The following SSBP2 variants were observed in gnomAD, a reference collection of about 807,000 sequenced individuals.
SSBP2 encodes the protein single-stranded DNA-binding protein 2.
A neutral mutation model predicts 61.8 loss-of-function variants in SSBP2; 17 were observed. The observed-to-expected ratio is 0.28, with a 90% CI of 0.19 to 0.41. SSBP2 has a LOEUF of 0.41. Ranked by LOEUF, SSBP2 falls within the 10% of genes least tolerant of loss-of-function variation. The probability of loss-of-function intolerance (pLI) is 1.00; values close to 1 mark genes in which losing one functional copy is unlikely to be tolerated. For synonymous variants in SSBP2, 139 were observed against 141.3 expected (o/e 0.98, Z 0.12); for missense variants, 310 against 458.7 (o/e 0.68, Z 2.96).
chr5:81,546,168 G>A (rs1771716973), intron 4 of SSBP2, among the ~76,000 whole-genome samples: 1 of 152,142 alleles, frequency 6.6e-6, no homozygotes, highest in South Asian at 2.1e-4. Context: ...CATTATAATA[G>A]CAATGAATAG....
intron 3 of SSBP2, among the ~76,000 whole-genome samples, chr5:81,623,331 C>CTTTTTTTTT (rs35687529): frequency 1.8e-5 from 2 of 110,590 alleles, no homozygotes; most frequent in Non-Finnish European, 1.8e-5. Context: ...CATTGTAGTA[C>CTTTTTTTTT]TTTTTTTTTT....
chr5:81,469,996 T>A (rs1267492621), intron 8 of SSBP2, among the ~76,000 whole-genome samples: 1 of 151,904 alleles, frequency 6.6e-6, no homozygotes, highest in Non-Finnish European at 1.5e-5. Context: ...TTCTAGAAAG[T>A]TCTTCCCTGT....
intron 1 of SSBP2, among the ~76,000 whole-genome samples, chr5:81,743,493 T>G (rs1317378190): frequency 6.6e-6 from 1 of 152,182 alleles, no homozygotes; most frequent in East Asian, 1.9e-4. Context: ...TATTTGCTTA[T>G]TATTATATAT....
intron 5 of SSBP2, among the ~76,000 whole-genome samples, chr5:81,503,830 T>C (rs1479456920): frequency 6.6e-6 from 1 of 152,198 alleles, no homozygotes; most frequent in Non-Finnish European, 1.5e-5. Context: ...TCATGTCTTT[T>C]GCAGGAACAT....
intron 14 of SSBP2, among the ~76,000 whole-genome samples, chr5:81,439,187 T>C (rs1762854187): frequency 6.6e-6 from 1 of 152,118 alleles, no homozygotes; most frequent in African/African-American, 2.4e-5. Context: ...AAATTACTCA[T>C]GAACATATTT....
chr5:81,742,595 G>C (rs1757103460), intron 1 of SSBP2, among the ~76,000 whole-genome samples: 1 of 152,166 alleles, frequency 6.6e-6, no homozygotes. Flanking sequence ...CACACAAATG[G>C]CCGGGCTCAG....
intron 4 of SSBP2, among the ~76,000 whole-genome samples, chr5:81,538,080 A>G (rs1770953858): frequency 6.6e-6 from 1 of 152,216 alleles, no homozygotes; most frequent in African/African-American, 2.4e-5. Context: ...GGCACGTCAA[A>G]AGCCAAGATA....
chr5:81,634,158 T>C (rs1168793098), intron 3 of SSBP2, among the ~76,000 whole-genome samples: 2 of 152,224 alleles, frequency 1.3e-5, no homozygotes, highest in Admixed American at 6.5e-5. Flanking sequence ...ACTTTAAATC[T>C]GATAAGAAGC....
Position 81,421,672 on chromosome 5 carries a change from G to C in SSBP2, c.1057-1139C>G, listed in dbSNP as rs114499367. 5.8e-3 allele frequency among the ~76,000 whole-genome samples: 877 copies of C among 152,276 alleles called. 12 individuals carry two copies. The highest frequency in any genetic ancestry group is 0.02 in the African/African-American group (831 of 41,552). On this transcript the variant is annotated intron_variant, in intron 16 of 16. Coordinates refer to ENST00000320672, the MANE Select transcript of SSBP2 (RefSeq NM_012446.5). ...AAAGAGCAACTATTTTGCTAATTGT[G>C]CCATTGTACCCTCATATTCTTGGAG...
chr5:81,489,328 T>G lies in SSBP2; in HGVS notation c.373-19A>C. On this transcript the variant is annotated intron_variant, in intron 5 of 16. Coordinates refer to ENST00000320672, the MANE Select transcript of SSBP2 (RefSeq NM_012446.5). The stretch of plus-strand genomic sequence containing the variant: ...TAAAAGGCTATTGAAGTAAAACAAA[T>G]AAACAAACAAAACAAAAAACAGTAC... 6.3e-7 allele frequency: 1 copy of G among 1,588,692 alleles called. No homozygotes were observed. Among genetic ancestry groups the G allele is most frequent in the Non-Finnish European group, 8.5e-7 (1 of 1,172,036 alleles).
upstream of SSBP2, chr5:81,751,236 C>G: frequency 1.6e-6 from 1 of 609,134 alleles, no homozygotes; most frequent in Non-Finnish European, 2.9e-6. Flanking sequence ...TTCCGAAGCG[C>G]GCGGTGGCGG....
intron 4 of SSBP2, among the ~76,000 whole-genome samples, chr5:81,561,331 CTAT>C (rs1327665351): frequency 4.6e-5 from 7 of 152,030 alleles, no homozygotes; most frequent in African/African-American, 1.7e-4. Flanking sequence ...TAAAATGTGG[CTAT>C]TAAGTATCTT....
intron 4 of SSBP2, among the ~76,000 whole-genome samples, chr5:81,573,055 T>G (rs1323371891): frequency 6.6e-6 from 1 of 152,194 alleles, no homozygotes; most frequent in Non-Finnish European, 1.5e-5. Flanking sequence ...TTATATGTAT[T>G]TTTTTCAAAT....
intron 15 of SSBP2, among the ~76,000 whole-genome samples, chr5:81,430,467 G>GT (rs1356397958): frequency 1.3e-5 from 2 of 152,120 alleles, no homozygotes; most frequent in Non-Finnish European, 2.9e-5. Flanking sequence ...GAGAAGCAGC[G>GT]TATCTCAGAC....
chr5:81,443,666 G>A (rs1468635674), intron 12 of SSBP2, among the ~76,000 whole-genome samples: 1 of 152,110 alleles, frequency 6.6e-6, no homozygotes, highest in African/African-American at 2.4e-5. Flanking sequence ...GGGTTCAAGC[G>A]ATTCTCTTGC....
intron 2 of SSBP2, among the ~76,000 whole-genome samples, chr5:81,638,904 C>G (rs1748510677): frequency 1.3e-5 from 2 of 152,104 alleles, no homozygotes; most frequent in African/African-American, 4.8e-5. Flanking sequence ...AATTAGTGCC[C>G]TGTTACACTG....
At chr5:81,712,780 C>T (rs541022215) in intron 1 of SSBP2, among the ~76,000 whole-genome samples, 4 of 150,978 alleles carry the variant, frequency 2.6e-5, no homozygotes, top group East Asian at 2.0e-4. Context: ...TAACCCAGAC[C>T]GGAGTGCAGT....
chr5:81,524,068 T>C (rs1032293283), intron 4 of SSBP2, among the ~76,000 whole-genome samples: 4 of 152,068 alleles, frequency 2.6e-5, no homozygotes, highest in Non-Finnish European at 5.9e-5. Flanking sequence ...CAGTTCTTAC[T>C]ATTCTTACTA....
intron 1 of SSBP2, among the ~76,000 whole-genome samples, chr5:81,715,039 GAT>G (rs1415156700): frequency 2.6e-5 from 4 of 151,998 alleles, no homozygotes; most frequent in Admixed American, 2.0e-4. Context: ...AAAATAGAAA[GAT>G]GTGGAAAATA....
Sources: allele counts gnomAD v4.1 joint callset (sites outside exome capture counted in the v4.1 genomes callset), GRCh38; gene constraint gnomAD v4.1.1; transcripts MANE v1.5; gene names NCBI Gene and HGNC (gene_info 2026-07-23, HGNC 2026-07-21).